Variants in SORBS2 observed in about 807,000 individuals in gnomAD.
SORBS2 encodes the protein sorbin and SH3 domain containing 2.
Under a neutral mutation model 97.7 loss-of-function variants are expected in SORBS2, and 46 were observed. The ratio of observed to expected loss-of-function variants is 0.47; its 90% CI spans 0.37 to 0.60. SORBS2 has a LOEUF of 0.60. Ranked by LOEUF, SORBS2 falls within the 20% of genes least tolerant of loss-of-function variation. The probability of loss-of-function intolerance (pLI) is 0.00; values close to 1 mark genes in which losing one functional copy is unlikely to be tolerated. For synonymous variants in SORBS2, 476 were observed against 473.4 expected, an observed-to-expected ratio of 1.01 and a Z score of -0.07; for missense variants, 1,316 against 1,282.3, an observed-to-expected ratio of 1.03 and a Z score of -0.40.
chr4:185,845,847 G>T (rs1191542001), intron 1 of SORBS2, among the ~76,000 whole-genome samples: 1 of 152,180 alleles, frequency 6.6e-6, no homozygotes, highest in Admixed American at 6.5e-5. Context: ...AAATGCAAAT[G>T]AAAACTATTA....
At chr4:185,656,612 C>T in intron 1 of SORBS2, 1 of 1,549,022 alleles carries the variant, frequency 6.5e-7, no homozygotes, top group Non-Finnish European at 8.7e-7. Context: ...CCCCCAACTT[C>T]ACCTGCAAAG....
chr4:185,935,376 G>T (rs1332690748), intron 1 of SORBS2, among the ~76,000 whole-genome samples: 2 of 152,118 alleles, frequency 1.3e-5, no homozygotes, highest in African/African-American at 4.8e-5. Flanking sequence ...TAAGCCATGG[G>T]AGATAACACG....
chr4:185,742,030 C>G (rs2098730531), intron 2 of SORBS2, among the ~76,000 whole-genome samples: 1 of 152,200 alleles, frequency 6.6e-6, no homozygotes, highest in Non-Finnish European at 1.5e-5. Flanking sequence ...TTGCCTTTCT[C>G]TGAAATCGGC....
chr4:185,659,316 G>A (rs1391507453), upstream of SORBS2, among the ~76,000 whole-genome samples: 3 of 152,186 alleles, frequency 2.0e-5, no homozygotes, highest in Non-Finnish European at 4.4e-5. Flanking sequence ...GCTGGCTGCT[G>A]TCAAAGAAGA....
In SORBS2 at chr4:185,623,272, C is replaced by G. The variant is rs758419578; in HGVS notation, c.1857G>C (p.Lys619Asn). 6.2e-7 allele frequency: 1 copy of G among 1,614,132 alleles called. No homozygotes were observed. The highest frequency in any genetic ancestry group is 2.2e-5 in the East Asian group (1 of 44,872). ...TACATTTTGCCTTTTCAGTCTGTTT[C>G]TTAGGAGCCGAATTTTTTTTCCTCC... The change falls in exon 7 of 15, where the codon AAG (lysine) becomes AAC (asparagine). Residue 619 changes from lysine to asparagine, a missense_variant. Transcript: ENST00000418609. This position sits in a 1 kb window ranked among gnomAD's most constrained non-coding sequence, Gnocchi z 6.4.
intron 1 of SORBS2, among the ~76,000 whole-genome samples, chr4:185,832,887 A>G (rs1418646864): frequency 2.0e-5 from 3 of 152,234 alleles, no homozygotes; most frequent in Non-Finnish European, 4.4e-5. Context: ...ACTATCATTC[A>G]TGATTAGTCC....
chr4:185,904,262 C>T (rs536148657), intron 1 of SORBS2, among the ~76,000 whole-genome samples: 1 of 152,208 alleles, frequency 6.6e-6, no homozygotes, highest in African/African-American at 2.4e-5. Context: ...CGTCTGTGTG[C>T]GGGAAGGAAC....
intron 1 of SORBS2, among the ~76,000 whole-genome samples, chr4:185,936,194 C>A (rs941185543): frequency 1.3e-5 from 2 of 152,200 alleles, no homozygotes; most frequent in African/African-American, 4.8e-5. Flanking sequence ...ACGTGCTATT[C>A]AAACTTAGTC....
intron 4 of SORBS2, among the ~76,000 whole-genome samples, chr4:185,668,188 A>G (rs2097649151): frequency 6.6e-6 from 1 of 152,220 alleles, no homozygotes; most frequent in South Asian, 2.1e-4. Flanking sequence ...ATGACTTGAA[A>G]CATGTCAAAA....
At chr4:185,892,587 C>T (rs2099243047) in intron 1 of SORBS2, among the ~76,000 whole-genome samples, 1 of 152,092 alleles carries the variant, frequency 6.6e-6, no homozygotes, top group African/African-American at 2.4e-5. Flanking sequence ...ATTATTTAAC[C>T]TTAAGAAGGA....
intron 1 of SORBS2, among the ~76,000 whole-genome samples, chr4:185,828,769 G>A (rs943778557): frequency 6.6e-6 from 1 of 152,054 alleles, no homozygotes; most frequent in African/African-American, 2.4e-5. Context: ...TTTATTGAAT[G>A]ATAGATTCCC....
intron 4 of SORBS2, chr4:185,677,193 C>T (rs371733303): frequency 9.2e-5 from 143 of 1,551,618 alleles, no homozygotes; most frequent in Non-Finnish European, 1.1e-4. Context: ...GGTCAGTGAG[C>T]GGGGCCTTTT....
At chr4:185,835,652 A>ATTT (rs5864964) in intron 1 of SORBS2, among the ~76,000 whole-genome samples, 12 of 122,222 alleles carry the variant, frequency 9.8e-5, no homozygotes, top group African/African-American at 2.7e-4. Flanking sequence ...TTTTGAAAGG[A>ATTT]TTTTTTTTTT....
chr4:185,629,974 CT>C (rs1294534984), intron 5 of SORBS2, among the ~76,000 whole-genome samples: 7 of 152,100 alleles, frequency 4.6e-5, no homozygotes, highest in African/African-American at 1.4e-4. Flanking sequence ...GCCTCAATTT[CT>C]TTTTTTTCTC....
At chr4:185,604,760 A>G (rs2171046) in intron 12 of SORBS2, among the ~76,000 whole-genome samples, 87,566 of 152,006 alleles carry the variant, frequency 0.58, 26,795 homozygotes, top group East Asian at 0.86. Flanking sequence ...GTGGCTGGAG[A>G]TAGGAACACC....
At chr4:185,766,236 T>C (rs1451293734) in intron 2 of SORBS2, among the ~76,000 whole-genome samples, 1 of 152,212 alleles carries the variant, frequency 6.6e-6, no homozygotes, top group Non-Finnish European at 1.5e-5. Context: ...ACTATGGGCC[T>C]ACTCATAGAT....
At chr4:185,772,026 AT>A (rs1462380431) in intron 2 of SORBS2, 1 of 152,222 alleles carries the variant, frequency 6.6e-6, no homozygotes. Flanking sequence ...ATACAAAAAA[AT>A]TCAATATTCA....
At chr4:185,719,826 G>A (rs1214856459) in intron 2 of SORBS2, among the ~76,000 whole-genome samples, 10 of 152,248 alleles carry the variant, frequency 6.6e-5, no homozygotes, top group African/African-American at 2.4e-4. Context: ...ACACATGGCA[G>A]AGAAAGCTAC....
chr4:185,948,832 A>G (rs1438841006), intron 1 of SORBS2, among the ~76,000 whole-genome samples: 2 of 152,106 alleles, frequency 1.3e-5, no homozygotes, highest in Non-Finnish European at 2.9e-5. Context: ...ATTTCAAAAT[A>G]TTAAATTGTT....
Sources: gnomAD v4.1 joint callset for allele counts (sites outside exome capture counted in the v4.1 genomes callset) on GRCh38, gnomAD v4.1.1 for gene constraint, Gnocchi (gnomAD v3.1) non-coding constraint, MANE v1.5 for transcripts, NCBI Gene and HGNC (gene_info 2026-07-23, HGNC 2026-07-21) for gene names.